Variants in DYNC2H1 observed in about 807,000 individuals in gnomAD.
The protein encoded by DYNC2H1 is dynein cytoplasmic 2 heavy chain 1.
Under a neutral mutation model 570.0 loss-of-function variants are expected in DYNC2H1, and 410 were observed. The observed-to-expected ratio is 0.72, with a 90% CI of 0.66 to 0.78. The LOEUF (loss-of-function observed/expected upper bound fraction) is 0.78. Among genes scored for constraint, DYNC2H1 ranks in the 30% least tolerant of loss-of-function variants. DYNC2H1 has a pLI of 0.00. For synonymous variants in DYNC2H1, 1,688 were observed against 1,677.6 expected, an observed-to-expected ratio of 1.01 and a Z score of -0.15; for missense variants, 4,865 against 5,046.4, an observed-to-expected ratio of 0.96 and a Z score of 1.09.
intron 17 of DYNC2H1, among the ~76,000 whole-genome samples, chr11:103,137,444 T>C (rs1008286468): frequency 3.9e-5 from 6 of 152,058 alleles, no homozygotes; most frequent in African/African-American, 1.2e-4. Context: ...TTTCTACATA[T>C]GGTTAGCCAG....
chr11:103,140,219 T>A (rs1403984277), intron 17 of DYNC2H1, among the ~76,000 whole-genome samples: 1 of 152,170 alleles, frequency 6.6e-6, no homozygotes, highest in Non-Finnish European at 1.5e-5. Context: ...ACATTTAAAG[T>A]TAATATTGTT....
chr11:103,175,775 T>A (rs1861778015), intron 36 of DYNC2H1, among the ~76,000 whole-genome samples: 2 of 152,166 alleles, frequency 1.3e-5, no homozygotes, highest in South Asian at 4.1e-4. Context: ...AATTAGTTTA[T>A]CTGGAATTGA....
chr11:103,168,861 C>G lies in DYNC2H1; in HGVS notation c.4869C>G (p.Asp1623Glu). Residue 1623 changes from aspartate to glutamate, a missense_variant, in exon 32 of 89, where the codon GAC becomes GAG. By Grantham distance (45) the Asp-to-Glu change is conservative. Transcript: ENST00000375735. The stretch of plus-strand genomic sequence containing the variant: ...AAATTCAGGTTCATACAACTGAAGA[C>G]TGGGCTTGGAAAAAACAACTTAGAT... ...LNQIQVHTTE[D>E]WAWKKQLRFY... 1 of 1,613,142 alleles carries G rather than the reference C, an allele frequency of 6.2e-7. No homozygotes were observed. Among genetic ancestry groups the G allele is most frequent in the African/African-American group, 1.3e-5 (1 of 74,976 alleles).
rs987663573 is a variant in DYNC2H1 at position 103,252,555 on chromosome 11, A to G, written c.10043-730A>G. On this transcript the variant is annotated intron_variant, in intron 65 of 88. Coordinates refer to ENST00000375735, the MANE Select transcript of DYNC2H1 (RefSeq NM_001377.3). The surrounding 1 kb of genome is among the most constrained non-coding windows in gnomAD (Gnocchi z 4.6). The stretch of plus-strand genomic sequence containing the variant: ...TACCCATCCTAACAGGTGTGAGTTG[A>G]TATCTAATAGTGGTTTTGATTTGCA... 6.6e-6 allele frequency among the ~76,000 whole-genome samples: 1 copy of G among 152,012 alleles called. No individual in the cohort carries two copies. The highest frequency in any genetic ancestry group is 1.5e-5 in the Non-Finnish European group (1 of 68,000).
At chr11:103,161,083 T>G (rs1267099951) in intron 29 of DYNC2H1, 39 bp downstream of exon 29, 9 of 1,122,104 alleles carry the variant, frequency 8.0e-6, no homozygotes, top group Non-Finnish European at 9.9e-6. Flanking sequence ...CAAAAAGAAT[T>G]AACTATATAT....
intron 83 of DYNC2H1, among the ~76,000 whole-genome samples, chr11:103,397,276 A>G (rs1942438396): frequency 6.6e-6 from 1 of 152,166 alleles, no homozygotes; most frequent in Non-Finnish European, 1.5e-5. Flanking sequence ...GCAATCCTTC[A>G]AAAATATACA....
chr11:103,452,727 A>G lies in DYNC2H1; in HGVS notation c.12457-2459A>G, dbSNP rs540146446. Among the ~76,000 whole-genome samples the G allele has an allele frequency of 2.1e-4, 32 of 152,042 alleles. 1 individual carries two copies. The highest frequency in any genetic ancestry group is 7.5e-4 in the African/African-American group (31 of 41,520). Reference sequence around the variant, plus strand: ...AGGAGTGGAACTCTTATGACATACTATTTATTTCTTACATAGTTTTCCACT... The same window carrying G: ...AGGAGTGGAACTCTTATGACATACTGTTTATTTCTTACATAGTTTTCCACT... On this transcript the variant is annotated intron_variant, in intron 85 of 88. Transcript: ENST00000375735.
chr11:103,127,310 T>G (rs1859052144), intron 12 of DYNC2H1, among the ~76,000 whole-genome samples: 1 of 152,198 alleles, frequency 6.6e-6, no homozygotes, highest in South Asian at 2.1e-4. Context: ...TGGGAAAATC[T>G]ATTTATATAT....
intron 40 of DYNC2H1, among the ~76,000 whole-genome samples, chr11:103,184,182 G>A (rs1026805403): frequency 2.0e-5 from 3 of 151,878 alleles, no homozygotes; most frequent in Non-Finnish European, 4.4e-5. Context: ...CTGTACTGCT[G>A]TAGCTCTTAC....
chr11:103,361,887 G>T (rs1036453994), intron 83 of DYNC2H1, among the ~76,000 whole-genome samples: 1 of 152,188 alleles, frequency 6.6e-6, no homozygotes, highest in African/African-American at 2.4e-5. Flanking sequence ...TAGCTTCTGA[G>T]AGGTTAAACA....
In DYNC2H1 at chr11:103,122,939, C is replaced by A; in HGVS notation, c.1600C>A (p.Gln534Lys). ...LDQLKLYEQE[Q>K]FDDWSRDIQS... ...CCAGCTTAAACTATATGAACAGGAA[C>A]AATTTGATGATTGGTCCAGGGATAT... is the stretch of plus-strand genomic sequence containing the variant. The change falls in exon 11 of 89, where the codon CAA becomes AAA. Residue 534 changes from glutamine to lysine, a missense_variant. This residue lies in a region of DYNC2H1 where 1,936 missense variants were observed against 1,962.1 expected (regional missense o/e 0.99). Transcript: ENST00000375735. 1.2e-6 allele frequency: 2 copies of A among 1,609,874 alleles called. No individual in the cohort carries two copies. Among genetic ancestry groups the A allele is most frequent in the Non-Finnish European group, 1.7e-6 (2 of 1,177,540 alleles).
At chr11:103,360,515 CTCTTT>C (rs1189113220) in intron 83 of DYNC2H1, among the ~76,000 whole-genome samples, 1 of 152,102 alleles carries the variant, frequency 6.6e-6, no homozygotes, top group Non-Finnish European at 1.5e-5. Context: ...TGTAAGCACT[CTCTTT>C]TAACTACTCA....
In DYNC2H1 at chr11:103,303,181, T is replaced by G. The variant is rs863224375; in HGVS notation, c.11184T>G (p.Ser3728=). 1.2e-6 allele frequency: 2 copies of G among 1,612,682 alleles called. No homozygotes were observed. Among genetic ancestry groups the G allele is most frequent in the Admixed American group, 3.3e-5 (2 of 59,916 alleles). Residue 3728 remains serine, a synonymous_variant, in exon 76 of 89, where the codon TCT becomes TCG. Transcript: ENST00000375735. ...TTGAACCCATCTTGATAATTATTTC[T>G]CCGGGTGCTGATCCTTCTCAGGAAC... is the stretch of plus-strand genomic sequence containing the variant. ...LEIEPILIII[S]PGADPSQELQ... is the part of the protein sequence containing the mutation.
At chr11:103,155,248 A>G (rs1860758636) in intron 24 of DYNC2H1, 83 bp from the exon 25 acceptor site, 1 of 1,356,924 alleles carries the variant, frequency 7.4e-7, no homozygotes, top group Non-Finnish European at 9.8e-7. Flanking sequence ...ACTAATAAGC[A>G]TAAAAGTAAA....
intron 13 of DYNC2H1, among the ~76,000 whole-genome samples, chr11:103,132,383 C>G (rs1394631543): frequency 6.6e-6 from 1 of 151,852 alleles, no homozygotes. Context: ...CTGTTTTTCA[C>G]TAGTTTCAAG....
At chr11:103,457,120 C>T (rs1421365331) in intron 87 of DYNC2H1, among the ~76,000 whole-genome samples, 2 of 152,128 alleles carry the variant, frequency 1.3e-5, no homozygotes, top group Non-Finnish European at 2.9e-5. Context: ...TTTTGGTGCA[C>T]ACATTAGTCC....
At chr11:103,210,446 A>T (rs1351600861) in intron 53 of DYNC2H1, among the ~76,000 whole-genome samples, 1 of 146,912 alleles carries the variant, frequency 6.8e-6, no homozygotes, top group African/African-American at 2.4e-5. Flanking sequence ...TAGCTTATTA[A>T]CTTATTTATT....
chr11:103,360,712 C>T (rs2671332), intron 83 of DYNC2H1, among the ~76,000 whole-genome samples: 83,463 of 151,968 alleles, frequency 0.55, 24,792 homozygotes, highest in Admixed American at 0.66. Context: ...AGGGACTATG[C>T]AGAGATACTT....
At chr11:103,279,927 G>A (rs183528232) in intron 70 of DYNC2H1, among the ~76,000 whole-genome samples, 1 of 152,206 alleles carries the variant, frequency 6.6e-6, no homozygotes, top group East Asian at 1.9e-4. Context: ...TATCTAGTAA[G>A]GAGAAAATAG....
Sources: gnomAD v4.1 joint callset for allele counts (sites outside exome capture counted in the v4.1 genomes callset) on GRCh38, gnomAD v4.1.1 for gene constraint, gnomAD v4.1.1 regional missense constraint, Gnocchi (gnomAD v3.1) non-coding constraint, MANE v1.5 for transcripts, NCBI Gene and HGNC (gene_info 2026-07-23, HGNC 2026-07-21) for gene names.